SNRPD1: variants seen among roughly 807,000 people sequenced by gnomAD.
SNRPD1 encodes the protein small nuclear ribonucleoprotein Sm D1.
In SNRPD1, 1 loss-of-function variant was observed where a neutral mutation model predicts 14.4. That is an observed-to-expected ratio of 0.07 (90% CI 0.02 to 0.33). The LOEUF (loss-of-function observed/expected upper bound fraction) is 0.33. Among genes scored for constraint, SNRPD1 ranks in the 10% least tolerant of loss-of-function variants. SNRPD1 has a pLI of 1.00. For synonymous variants in SNRPD1, 42 were observed against 50.3 expected, an observed-to-expected ratio of 0.83 and a Z score of 0.70; for missense variants, 52 against 146.4, an observed-to-expected ratio of 0.36 and a Z score of 3.33.
chr18:21,615,324 CT>C (rs2038949186), intron 1 of SNRPD1, among the ~76,000 whole-genome samples: 1 of 152,068 alleles, frequency 6.6e-6, no homozygotes, highest in Non-Finnish European at 1.5e-5. Context: ...TTTGGAAGTT[CT>C]GTATTTTAGG....
chr18:21,631,980 G>C lies in SNRPD1; in HGVS notation c.*2842G>C, dbSNP rs2039088045. 2 of 152,120 alleles carry C rather than the reference G, an allele frequency of 1.3e-5. No homozygotes were observed. The highest frequency in any genetic ancestry group is 6.6e-5 in the Admixed American group (1 of 15,240). 9.4% of individuals were successfully genotyped at this position (152,120 alleles called of 1,614,324 possible). ...CAGAAGCAGATAACAAATAAAAATT[G>C]GAGCTTAGTGCCGTGGTGCACACTT... On this transcript the variant is annotated 3_prime_UTR_variant, in exon 4 of 4. Coordinates refer to ENST00000300413, the MANE Select transcript of SNRPD1 (RefSeq NM_006938.4).
At chr18:21,624,877 C>CT (rs996593272) in intron 3 of SNRPD1, among the ~76,000 whole-genome samples, 30 of 152,040 alleles carry the variant, frequency 2.0e-4, no homozygotes, top group African/African-American at 7.0e-4. Context: ...AGTGCACATC[C>CT]TTTTGTACCC....
chr18:21,619,757 G>A (rs990887667), intron 1 of SNRPD1, among the ~76,000 whole-genome samples: 5 of 151,636 alleles, frequency 3.3e-5, no homozygotes, highest in Admixed American at 2.6e-4. Context: ...TCCAGCCTGG[G>A]TGACAGAGCG....
intron 1 of SNRPD1, 146 bp from the exon 2 acceptor site, chr18:21,622,579 A>G: frequency 1.7e-6 from 1 of 584,880 alleles, no homozygotes; most frequent in Non-Finnish European, 3.1e-6. Context: ...AATTCAGGAA[A>G]GCTGAAATTG....
chr18:21,619,363 G>A (rs894629232), intron 1 of SNRPD1, among the ~76,000 whole-genome samples: 4 of 151,856 alleles, frequency 2.6e-5, no homozygotes, highest in African/African-American at 9.7e-5. Context: ...TGTATTTTTA[G>A]CAGAGACGGG....
At chr18:21,616,542 G>C (rs913934012) in intron 1 of SNRPD1, among the ~76,000 whole-genome samples, 2 of 150,474 alleles carry the variant, frequency 1.3e-5, no homozygotes, top group African/African-American at 4.9e-5. Flanking sequence ...ATTTTTAGTA[G>C]AGACAGGGTT....
At chr18:21,619,084 G>A (rs2038978328) in intron 1 of SNRPD1, among the ~76,000 whole-genome samples, 1 of 152,166 alleles carries the variant, frequency 6.6e-6, no homozygotes, top group Admixed American at 6.6e-5. Flanking sequence ...TCTTAGATGT[G>A]ATTGTGAGAT....
chr18:21,620,296 T>C (rs1025367732), intron 1 of SNRPD1, among the ~76,000 whole-genome samples: 2 of 152,050 alleles, frequency 1.3e-5, no homozygotes, highest in African/African-American at 4.8e-5. Context: ...AGACAGGATC[T>C]TGCTTTGTTG....
chr18:21,612,530 G>C (rs1360002731), intron 1 of SNRPD1, 87 bp downstream of exon 1: 1 of 1,078,238 alleles, frequency 9.3e-7, no homozygotes, highest in African/African-American at 1.6e-5. Context: ...ATTTGCAGGA[G>C]GCGGGAAAGC....
At chr18:21,617,807 CG>C (rs1333928579) in intron 1 of SNRPD1, among the ~76,000 whole-genome samples, 1 of 151,768 alleles carries the variant, frequency 6.6e-6, no homozygotes, top group East Asian at 2.0e-4. Context: ...GGTAAAACCC[CG>C]TCTCTACTAA....
At chr18:21,623,391 G>A (rs535070547) in intron 2 of SNRPD1, among the ~76,000 whole-genome samples, 6 of 152,328 alleles carry the variant, frequency 3.9e-5, no homozygotes, top group Admixed American at 3.9e-4. Context: ...ACAAAGGTGA[G>A]GATAGTTTGG....
chr18:21,623,132 C>G (rs2039010801), intron 2 of SNRPD1, among the ~76,000 whole-genome samples: 1 of 151,938 alleles, frequency 6.6e-6, no homozygotes, highest in African/African-American at 2.4e-5. Flanking sequence ...GTTACCCAGG[C>G]TGGAGTGCAG....
chr18:21,620,376 C>G (rs537417754), intron 1 of SNRPD1, among the ~76,000 whole-genome samples: 3 of 152,272 alleles, frequency 2.0e-5, no homozygotes, highest in African/African-American at 4.8e-5. Flanking sequence ...GGTGAAATTA[C>G]AGGCATGAGC....
At chr18:21,623,459 C>T (rs1333058118) in intron 2 of SNRPD1, among the ~76,000 whole-genome samples, 1 of 152,124 alleles carries the variant, frequency 6.6e-6, no homozygotes, top group African/African-American at 2.4e-5. Flanking sequence ...AAAGAAATAC[C>T]TGTCACATCA....
rs1202307327 is a variant in SNRPD1 at position 21,629,905 on chromosome 18, A to G, written c.*767A>G. 1 of 152,212 alleles carries G rather than the reference A, an allele frequency of 6.6e-6. No individual in the cohort carries two copies. The highest frequency in any genetic ancestry group is 1.5e-5 in the Non-Finnish European group (1 of 68,032). 9.4% of individuals were successfully genotyped at this position (152,212 alleles called of 1,614,324 possible). On this transcript the variant is annotated 3_prime_UTR_variant, in exon 4 of 4. Coordinates refer to ENST00000300413, the MANE Select transcript of SNRPD1 (RefSeq NM_006938.4). ...AGTTTGTTTTGGTATTTCGGAAACT[A>G]AAGTCCTTATGGGATGGGGTCTAGA...
intron 1 of SNRPD1, among the ~76,000 whole-genome samples, chr18:21,620,289 C>T (rs1371058968): frequency 6.6e-6 from 1 of 151,744 alleles, no homozygotes; most frequent in African/African-American, 2.4e-5. Flanking sequence ...TTTGTAGAGA[C>T]AGGATCTTGC....
At chr18:21,614,557 C>T (rs1365507028) in intron 1 of SNRPD1, among the ~76,000 whole-genome samples, 2 of 152,106 alleles carry the variant, frequency 1.3e-5, no homozygotes, top group African/African-American at 4.8e-5. Flanking sequence ...ATTTCTGTAT[C>T]TCAGTTGGCA....
In SNRPD1 at chr18:21,632,027, G is replaced by A. The variant is rs1416205888; in HGVS notation, c.*2889G>A. Reference sequence around the variant, plus strand: ...ACTTGTAGTCCCTGCTACTGGGGAGGCTAAGGCAAGAGGATCGCTATAGCC... The same window carrying A: ...ACTTGTAGTCCCTGCTACTGGGGAGACTAAGGCAAGAGGATCGCTATAGCC... On this transcript the variant is annotated 3_prime_UTR_variant, in exon 4 of 4. Coordinates refer to ENST00000300413, the MANE Select transcript of SNRPD1 (RefSeq NM_006938.4). 1 of 152,172 alleles carries A rather than the reference G, an allele frequency of 6.6e-6. No individual in the cohort carries two copies. Among genetic ancestry groups the A allele is most frequent in the Non-Finnish European group, 1.5e-5 (1 of 68,054 alleles). The allele number at this position is 152,172 out of a possible 1,614,324, so 9.4% of individuals were successfully genotyped here.
chr18:21,625,801 G>A (rs1011428699), intron 3 of SNRPD1, among the ~76,000 whole-genome samples: 1 of 151,926 alleles, frequency 6.6e-6, no homozygotes, highest in African/African-American at 2.4e-5. Flanking sequence ...TAGTAGAGAC[G>A]GGGTTTCACC....
Sources: allele counts gnomAD v4.1 joint callset (sites outside exome capture counted in the v4.1 genomes callset), GRCh38; gene constraint gnomAD v4.1.1; transcripts MANE v1.5; gene names NCBI Gene and HGNC (gene_info 2026-07-23, HGNC 2026-07-21).